The following XKR6 variants were observed in gnomAD, a reference collection of about 807,000 sequenced individuals.
The protein encoded by XKR6 is XK related 6.
Under a neutral mutation model 56.7 loss-of-function variants are expected in XKR6, and 22 were observed. The observed-to-expected ratio is 0.39, with a 90% CI of 0.28 to 0.55. The LOEUF (loss-of-function observed/expected upper bound fraction) is 0.55. XKR6 is among the 20% of genes least tolerant of loss of function. The pLI is 0.66. For missense variants in XKR6, 852 were observed against 889.0 expected, an observed-to-expected ratio of 0.96 and a Z score of 0.53; for synonymous variants, 524 against 387.8, an observed-to-expected ratio of 1.35 and a Z score of -4.13.
intron 1 of XKR6, among the ~76,000 whole-genome samples, chr8:11,031,695 G>A (rs939430074): frequency 3.3e-5 from 5 of 152,226 alleles, no homozygotes; most frequent in Non-Finnish European, 5.9e-5. Flanking sequence ...CATTCTAGAA[G>A]AAGACATTTG....
intron 1 of XKR6, chr8:11,108,477 G>A (rs1798765203): frequency 2.5e-6 from 1 of 405,476 alleles, no homozygotes; most frequent in South Asian, 1.9e-5. Context: ...TTAAAAAACA[G>A]GACATTAGTA....
intron 1 of XKR6, among the ~76,000 whole-genome samples, chr8:11,149,291 G>A (rs904294615): frequency 2.0e-5 from 3 of 152,162 alleles, no homozygotes; most frequent in Non-Finnish European, 4.4e-5. Flanking sequence ...CTGCATGGCA[G>A]GCTACCATAG....
intron 1 of XKR6, among the ~76,000 whole-genome samples, chr8:11,133,752 C>G (rs1800236524): frequency 6.6e-6 from 1 of 152,066 alleles, no homozygotes; most frequent in Admixed American, 6.5e-5. Flanking sequence ...CCTTTTAAGA[C>G]CAATGTTACT....
chr8:10,939,478 G>A (rs1469876719), intron 1 of XKR6, among the ~76,000 whole-genome samples: 2 of 152,220 alleles, frequency 1.3e-5, no homozygotes, highest in Non-Finnish European at 2.9e-5. Context: ...GGCCCCTGGG[G>A]ACAAGCCAGC....
At chr8:11,054,431 C>T (rs1313781060) in intron 1 of XKR6, among the ~76,000 whole-genome samples, 1 of 152,212 alleles carries the variant, frequency 6.6e-6, no homozygotes, top group Admixed American at 6.5e-5. Context: ...TGCACACTGC[C>T]CAAATATGCA....
In XKR6 at chr8:10,973,599, T is replaced by C. The variant is rs1802468984; in HGVS notation, c.765-48769A>G. 3.9e-5 allele frequency among the ~76,000 whole-genome samples: 6 copies of C among 151,970 alleles called. No individual in the cohort carries two copies. In the South Asian group the frequency reaches 1.0e-3, roughly 26 times the overall value. ...TCTCTCTTTCTCTCTTTCTTTTTCT[T>C]TTTTTTAAAAGTCCCTGTTGCCCAG... On this transcript the variant is annotated intron_variant, in intron 1 of 2. Coordinates refer to ENST00000416569, the MANE Select transcript of XKR6 (RefSeq NM_173683.4).
At chr8:11,104,412 G>A (rs1008035966) in intron 1 of XKR6, among the ~76,000 whole-genome samples, 2 of 152,196 alleles carry the variant, frequency 1.3e-5, no homozygotes, top group Non-Finnish European at 2.9e-5. Flanking sequence ...TTGGCACAGT[G>A]ATTGGCACTC....
At chr8:11,045,617 G>A (rs1799393685) in intron 1 of XKR6, among the ~76,000 whole-genome samples, 2 of 152,310 alleles carry the variant, frequency 1.3e-5, no homozygotes, top group African/African-American at 2.4e-5. Flanking sequence ...TAAACAATGT[G>A]TGTATAGTGC....
At chr8:10,902,105 C>T (rs1800052358) in intron 2 of XKR6, among the ~76,000 whole-genome samples, 1 of 152,176 alleles carries the variant, frequency 6.6e-6, no homozygotes, top group African/African-American at 2.4e-5. Flanking sequence ...GCCGACCAGG[C>T]ACTGCAGTTG....
intron 2 of XKR6, among the ~76,000 whole-genome samples, chr8:10,920,549 A>AT: frequency 6.6e-6 from 1 of 152,208 alleles, no homozygotes; most frequent in South Asian, 2.1e-4. Context: ...AAGTCCACAC[A>AT]TTTTCTCTGC....
rs937684915 is a variant in XKR6, at chr8:11,019,505, G to A, written c.765-94675C>T. Among the ~76,000 whole-genome samples, 6 of 152,246 alleles carry A rather than the reference G, an allele frequency of 3.9e-5. 1 individual carries two copies. The East Asian group carries it at 5.8e-4, about 15-fold the overall frequency. ...TGCTGGGCTGCCTCCTCTGGGGATGGAGACAGGGCAGCCTGGCCACAGGCA... is the reference window on the plus strand; with the variant it reads ...TGCTGGGCTGCCTCCTCTGGGGATGAAGACAGGGCAGCCTGGCCACAGGCA... On this transcript the variant is annotated intron_variant, in intron 1 of 2. Coordinates refer to ENST00000416569, the MANE Select transcript of XKR6 (RefSeq NM_173683.4).
chr8:11,055,309 G>A (rs1318969351), intron 1 of XKR6, among the ~76,000 whole-genome samples: 1 of 152,156 alleles, frequency 6.6e-6, no homozygotes, highest in Non-Finnish European at 1.5e-5. Flanking sequence ...AGATCCCTAG[G>A]GTGGGGGAGG....
intron 1 of XKR6, among the ~76,000 whole-genome samples, chr8:11,083,208 A>G (rs1212729702): frequency 6.6e-6 from 1 of 152,066 alleles, no homozygotes; most frequent in Non-Finnish European, 1.5e-5. Flanking sequence ...TATCCACCAC[A>G]CACATGGCTC....
chr8:11,189,344 A>C (rs1360813001), intron 1 of XKR6, among the ~76,000 whole-genome samples: 1 of 152,236 alleles, frequency 6.6e-6, no homozygotes, highest in Non-Finnish European at 1.5e-5. Context: ...CCAAAGAAAG[A>C]AGCTTTTGGA....
At chr8:11,095,056 A>C (rs954688076) in intron 1 of XKR6, among the ~76,000 whole-genome samples, 1 of 152,332 alleles carries the variant, frequency 6.6e-6, no homozygotes, top group Non-Finnish European at 1.5e-5. Context: ...GTTGGAAAGA[A>C]AAAAAGTAGG....
chr8:11,063,124 A>C (rs1177748228), intron 1 of XKR6: 1 of 247,270 alleles, frequency 4.0e-6, no homozygotes, highest in Non-Finnish European at 8.1e-6. Flanking sequence ...CTGCCATAGA[A>C]GACCAAAGCA....
At chr8:11,023,590 T>C (rs1798793962) in intron 1 of XKR6, among the ~76,000 whole-genome samples, 1 of 152,168 alleles carries the variant, frequency 6.6e-6, no homozygotes, top group African/African-American at 2.4e-5. Flanking sequence ...AGATTTTCTA[T>C]CTTAGAATCT....
At chr8:10,952,811 C>T (rs2129127555) in intron 1 of XKR6, among the ~76,000 whole-genome samples, 1 of 152,180 alleles carries the variant, frequency 6.6e-6, no homozygotes, top group South Asian at 2.1e-4. Flanking sequence ...GGGCCATGGA[C>T]AGGTACTGGT....
At chr8:11,146,849 T>C (rs976691279) in intron 1 of XKR6, among the ~76,000 whole-genome samples, 3 of 151,998 alleles carry the variant, frequency 2.0e-5, no homozygotes, top group South Asian at 2.1e-4. Context: ...GAGGGCATTA[T>C]GTTAAATGAA....
Sources: allele counts gnomAD v4.1 joint callset (sites outside exome capture counted in the v4.1 genomes callset), GRCh38; gene constraint gnomAD v4.1.1; transcripts MANE v1.5; gene names NCBI Gene and HGNC (gene_info 2026-07-23, HGNC 2026-07-21).